Variants in FBXO15 observed in about 807,000 individuals in gnomAD.
FBXO15 encodes F-box protein 15, also known as F-box only protein 15.
In FBXO15, 30 loss-of-function variants were observed where a neutral mutation model predicts 49.5. The observed-to-expected ratio is 0.61, with a 90% CI of 0.45 to 0.82. The LOEUF (loss-of-function observed/expected upper bound fraction) is 0.82. Ranked by LOEUF, FBXO15 falls within the 40% of genes least tolerant of loss-of-function variation. The pLI is 0.00. For missense variants in FBXO15, 591 were observed against 631.5 expected (o/e 0.94, Z 0.69); for synonymous variants, 250 against 232.7 (o/e 1.07, Z -0.68).
intron 8 of FBXO15, among the ~76,000 whole-genome samples, chr18:74,093,324 G>T (rs1250100106): frequency 6.6e-6 from 1 of 151,766 alleles, no homozygotes; most frequent in East Asian, 1.9e-4. Context: ...AGTCTGCAAT[G>T]AGGAATGAAT....
At chr18:74,083,142 T>G (rs1453046294) in intron 8 of FBXO15, among the ~76,000 whole-genome samples, 1 of 152,220 alleles carries the variant, frequency 6.6e-6, no homozygotes, top group African/African-American at 2.4e-5. Flanking sequence ...CTTGCCCAGA[T>G]GCCACACTGC....
Position 74,082,057 on chromosome 18 carries a change from A to G in FBXO15, c.1139-6T>C. ...ATGTCCATTTTCAATATTTCCTGAAAAGATATAAGATTGTTTCAATCACTG... is the reference window on the plus strand; with the variant it reads ...ATGTCCATTTTCAATATTTCCTGAAGAGATATAAGATTGTTTCAATCACTG... On this transcript the variant is annotated splice_polypyrimidine_tract_variant and splice_region_variant and intron_variant, in intron 8 of 9. Transcript: ENST00000419743. The G allele has an allele frequency of 6.2e-7, 1 of 1,608,636 alleles. No individual in the cohort carries two copies. Among genetic ancestry groups the G allele is most frequent in the South Asian group, 1.1e-5 (1 of 89,426 alleles).
At chr18:74,114,635 C>T (rs1159182089) in intron 8 of FBXO15, among the ~76,000 whole-genome samples, 1 of 152,174 alleles carries the variant, frequency 6.6e-6, no homozygotes, top group Non-Finnish European at 1.5e-5. Context: ...TCCCTCTTTC[C>T]TCTCATAAAT....
At chr18:74,140,530 GC>G (rs1979006511) in intron 1 of FBXO15, among the ~76,000 whole-genome samples, 11 of 151,678 alleles carry the variant, frequency 7.3e-5, no homozygotes, top group South Asian at 2.1e-4. Context: ...TTGATGGTAA[GC>G]AAGGAAGAAA....
chr18:74,130,345 C>A, intron 4 of FBXO15, 71 bp downstream of exon 4: 1 of 1,570,070 alleles, frequency 6.4e-7, no homozygotes, highest in South Asian at 1.2e-5. Context: ...ACAATCTAAA[C>A]TGCACATACG....
intron 9 of FBXO15, among the ~76,000 whole-genome samples, chr18:74,077,693 G>C (rs893699969): frequency 6.6e-6 from 1 of 152,186 alleles, no homozygotes; most frequent in South Asian, 2.1e-4. Context: ...GCTGAGAATG[G>C]GGGAGTTGAA....
chr18:74,106,197 A>G (rs1394103139), intron 8 of FBXO15, among the ~76,000 whole-genome samples: 1 of 152,152 alleles, frequency 6.6e-6, no homozygotes, highest in African/African-American at 2.4e-5. Flanking sequence ...AGGTTGAAAA[A>G]GGAGAAATAC....
At chr18:74,116,867 C>G (rs1914255081) in intron 8 of FBXO15, among the ~76,000 whole-genome samples, 1 of 152,078 alleles carries the variant, frequency 6.6e-6, no homozygotes, top group South Asian at 2.1e-4. Context: ...TTACTTCCTG[C>G]AGCTCCCTAC....
chr18:74,079,607 T>TA (rs1555675189), intron 9 of FBXO15, among the ~76,000 whole-genome samples: 5 of 152,076 alleles, frequency 3.3e-5, no homozygotes, highest in South Asian at 2.1e-4. Context: ...TTGAGTTTTT[T>TA]AAAAAAAGAA....
chr18:74,077,784 C>A (rs879824890), intron 9 of FBXO15, among the ~76,000 whole-genome samples: 11 of 152,118 alleles, frequency 7.2e-5, no homozygotes, highest in African/African-American at 2.4e-4. Flanking sequence ...CCACTGTGGC[C>A]GTTTTAGAGA....
At chr18:74,107,494 G>T (rs76155196) in intron 8 of FBXO15, among the ~76,000 whole-genome samples, 1 of 152,156 alleles carries the variant, frequency 6.6e-6, no homozygotes, top group East Asian at 1.9e-4. Flanking sequence ...GAAAAGTGAA[G>T]TCACAGGGCA....
intron 8 of FBXO15, among the ~76,000 whole-genome samples, chr18:74,092,400 G>C (rs1334058188): frequency 6.6e-6 from 1 of 152,124 alleles, no homozygotes; most frequent in Non-Finnish European, 1.5e-5. Flanking sequence ...GCCTGGTTAA[G>C]AACCATTGTG....
intron 8 of FBXO15, among the ~76,000 whole-genome samples, chr18:74,089,030 A>T (rs1912887556): frequency 6.6e-6 from 1 of 152,080 alleles, no homozygotes; most frequent in Non-Finnish European, 1.5e-5. Context: ...GGTTTGTTAC[A>T]CAGATAAATG....
chr18:74,092,261 T>A lies in FBXO15; in HGVS notation c.1139-10210A>T, dbSNP rs116566306. On this transcript the variant is annotated intron_variant, in intron 8 of 9. Coordinates refer to ENST00000419743, the MANE Select transcript of FBXO15 (RefSeq NM_001142958.2). ...TCTTTCTTACATGGCCATTTCATTT[T>A]CCATCTTCTGTGTCATTTTATTGTA... Among the ~76,000 whole-genome samples the A allele has an allele frequency of 5.9e-3, 895 of 152,342 alleles. 12 individuals carry two copies. Among genetic ancestry groups the A allele is most frequent in the African/African-American group, 0.02 (848 of 41,574 alleles).
At chr18:74,116,480 G>C (rs1914233863) in intron 8 of FBXO15, among the ~76,000 whole-genome samples, 1 of 152,022 alleles carries the variant, frequency 6.6e-6, no homozygotes. Flanking sequence ...TTCAAAAATA[G>C]AATCCTGGAA....
chr18:74,118,783 C>A (rs1914350681), intron 8 of FBXO15, among the ~76,000 whole-genome samples: 1 of 152,162 alleles, frequency 6.6e-6, no homozygotes, highest in Admixed American at 6.5e-5. Flanking sequence ...TACCTAAACA[C>A]AAATTTCATT....
chr18:74,114,812 A>G (rs1294187635), intron 8 of FBXO15, among the ~76,000 whole-genome samples: 3 of 152,242 alleles, frequency 2.0e-5, no homozygotes, highest in Non-Finnish European at 4.4e-5. Flanking sequence ...CCATGACTTG[A>G]CAAAGTGGCA....
rs780803378 is a variant in FBXO15 at position 74,073,552 on chromosome 18, C to G, written c.1442G>C (p.Trp481Ser). ...AEGRVHVELV[W>S]IRETEEYLIV... The stretch of plus-strand genomic sequence containing the variant: ...AAGGTATTCTTCGGTCTCTCTGATC[C>G]ACACCAGCTCCACGTGCACTCTTCC... The change falls in exon 10 of 10, where the codon TGG becomes TCG. Residue 481 changes from tryptophan (W) to serine (S), a missense_variant. Physicochemically the swap from Trp to Ser is radical, Grantham distance 177. Coordinates refer to ENST00000419743, the MANE Select transcript of FBXO15 (RefSeq NM_001142958.2). 3.1e-6 allele frequency: 5 copies of G among 1,614,074 alleles called. No individual in the cohort carries two copies. In the South Asian group the frequency reaches 5.5e-5, roughly 18 times the overall value.
At chr18:74,140,062 T>G (rs1300041507) in intron 2 of FBXO15, 140 bp downstream of exon 2, 20 of 539,708 alleles carry the variant, frequency 3.7e-5, no homozygotes, top group Non-Finnish European at 5.5e-5. Context: ...CATCAAATGC[T>G]CCATGCTGTA....
Sources: allele counts gnomAD v4.1 joint callset (sites outside exome capture counted in the v4.1 genomes callset), GRCh38; gene constraint gnomAD v4.1.1; transcripts MANE v1.5; gene names NCBI Gene and HGNC (gene_info 2026-07-23, HGNC 2026-07-21).